EBF2: variants seen among roughly 807,000 people sequenced by gnomAD.
The protein encoded by EBF2 is transcription factor COE2.
A neutral mutation model predicts 72.8 loss-of-function variants in EBF2; 21 were observed. The observed-to-expected ratio is 0.29, with a 90% CI of 0.20 to 0.42. The LOEUF (loss-of-function observed/expected upper bound fraction) is 0.42, where lower values mean the gene tolerates loss of function less well. EBF2 is among the 10% of genes least tolerant of loss of function. EBF2 has a pLI of 1.00. For synonymous variants in EBF2, 299 were observed against 274.2 expected (o/e 1.09, Z -0.89); for missense variants, 637 against 731.2 (o/e 0.87, Z 1.49).
Position 25,946,690 on chromosome 8 carries a change from C to T in EBF2, c.552-38135G>A, listed in dbSNP as rs369581625. Among the ~76,000 whole-genome samples the T allele has an allele frequency of 2.0e-4, 30 of 152,308 alleles. No individual in the cohort carries two copies. The East Asian group carries it at 3.3e-3, about 17-fold the overall frequency. ...CAGCCCAGACAACTCCCTCTGCCTC[C>T]CTTTCATATCCAGTCAAATCCTGCT... On this transcript the variant is annotated intron_variant, in intron 6 of 15. Transcript: ENST00000520164.
chr8:26,038,248 A>C (rs1805536917), intron 5 of EBF2, among the ~76,000 whole-genome samples: 1 of 152,222 alleles, frequency 6.6e-6, no homozygotes, highest in Non-Finnish European at 1.5e-5. Context: ...ATTAATATTT[A>C]TTTTAAATTG....
chr8:25,887,819 G>A, intron 9 of EBF2, 23 bp downstream of exon 9: 1 of 1,565,546 alleles, frequency 6.4e-7, no homozygotes, highest in South Asian at 1.2e-5. Context: ...GGAAATCAGA[G>A]TAAGCCTGTT....
chr8:25,913,439 G>GA lies in EBF2; in HGVS notation c.552-4885dup, dbSNP rs200158690. Among the ~76,000 whole-genome samples the GA allele has an allele frequency of 4.0e-5, 6 of 150,654 alleles. 1 individual carries two copies. The South Asian group carries it at 6.3e-4, about 16-fold the overall frequency. On this transcript the variant is annotated intron_variant, in intron 6 of 15. Coordinates refer to ENST00000520164, the MANE Select transcript of EBF2 (RefSeq NM_022659.4). ...CTGGTGACAAAGTGAGACCCCGTCAGAAAAAAAAATAAATGGGAATTCACA... is the reference window on the plus strand; with the variant it reads ...CTGGTGACAAAGTGAGACCCCGTCAGAAAAAAAAAATAAATGGGAATTCACA...
intron 10 of EBF2, among the ~76,000 whole-genome samples, chr8:25,878,722 G>A (rs1443099460): frequency 6.6e-6 from 1 of 152,122 alleles, no homozygotes; most frequent in Non-Finnish European, 1.5e-5. Flanking sequence ...TGCTATCCTT[G>A]ATAGCATTTC....
intron 6 of EBF2, among the ~76,000 whole-genome samples, chr8:25,919,039 C>A (rs2117132261): frequency 6.6e-6 from 1 of 152,230 alleles, no homozygotes; most frequent in Non-Finnish European, 1.5e-5. Flanking sequence ...CTAGTGGAAA[C>A]AATTAAGTTC....
chr8:25,982,003 C>T (rs953666355), intron 6 of EBF2, among the ~76,000 whole-genome samples: 3 of 151,968 alleles, frequency 2.0e-5, no homozygotes, highest in Admixed American at 6.6e-5. Flanking sequence ...TAACATAGCT[C>T]GTGGACTAAG....
At position 26,044,040 on chromosome 8, in the gene EBF2, C is replaced by G. The variant is rs1259860230; in HGVS notation, c.131+689G>C. On this transcript the variant is annotated intron_variant, in intron 1 of 15. Transcript: ENST00000520164. The surrounding 1 kb of genome is among the most constrained non-coding windows in gnomAD (Gnocchi z 4.1). ...GCCTTTTCTCGCCTCTTTCTTCTTC[C>G]GCAACTCTTTCTACTGTGACTCAGT... Among the ~76,000 whole-genome samples, 2 of 152,224 alleles carry G rather than the reference C, an allele frequency of 1.3e-5. No individual in the cohort carries two copies. Among genetic ancestry groups the G allele is most frequent in the Non-Finnish European group, 2.9e-5 (2 of 68,046 alleles).
rs1585257515 is a variant in EBF2, at chr8:25,852,137, G to A, written c.1529-1376C>T. ...TGGATAAAAAGAAAAAAATTGGAAAGGAGAACAAAGTTCTGGAAGAATCTC... is the reference window on the plus strand; with the variant it reads ...TGGATAAAAAGAAAAAAATTGGAAAAGAGAACAAAGTTCTGGAAGAATCTC... On this transcript the variant is annotated intron_variant, in intron 14 of 15. Transcript: ENST00000520164. Among the ~76,000 whole-genome samples, 3 of 152,268 alleles carry A rather than the reference G, an allele frequency of 2.0e-5. No individual in the cohort carries two copies. The South Asian group carries it at 6.2e-4, about 32-fold the overall frequency.
chr8:26,015,884 T>C (rs1585228643), intron 6 of EBF2, among the ~76,000 whole-genome samples: 1 of 152,182 alleles, frequency 6.6e-6, no homozygotes, highest in Non-Finnish European at 1.5e-5. Flanking sequence ...AGCCCTGACC[T>C]GATGTGGTGC....
At chr8:25,927,040 C>T (rs1803398664) in intron 6 of EBF2, among the ~76,000 whole-genome samples, 1 of 152,184 alleles carries the variant, frequency 6.6e-6, no homozygotes, top group Non-Finnish European at 1.5e-5. Context: ...CAACACTAAT[C>T]TAGGTGTTAC....
In EBF2 at chr8:25,856,659, T is replaced by G. The variant is rs567448669; in HGVS notation, c.1528+1660A>C. 5.9e-5 allele frequency among the ~76,000 whole-genome samples: 9 copies of G among 152,322 alleles called. No individual in the cohort carries two copies. The South Asian group carries it at 1.9e-3, about 32-fold the overall frequency. ...GTTTACACAATGGATCTCTTGCCAC[T>G]GCATCATGTTTAGGGGTTGTTAAAG... On this transcript the variant is annotated intron_variant, in intron 14 of 15. Transcript: ENST00000520164.
In EBF2 at chr8:25,843,214, A is replaced by T. The variant is rs1361345801; in HGVS notation, c.*1395T>A. 1 of 152,198 alleles carries T rather than the reference A, an allele frequency of 6.6e-6. No homozygotes were observed. Among genetic ancestry groups the T allele is most frequent in the Non-Finnish European group, 1.5e-5 (1 of 68,050 alleles). The allele number at this position is 152,198 out of a possible 1,614,324, so 9.4% of individuals were successfully genotyped here. On this transcript the variant is annotated 3_prime_UTR_variant, in exon 16 of 16. Transcript: ENST00000520164. ...AGAATCTGGTCTTGCCTTTCTTCGA[A>T]CATCAGAAGAGGGGATTAGGGCTTT...
intron 6 of EBF2, among the ~76,000 whole-genome samples, chr8:25,932,564 G>A (rs1803502480): frequency 6.6e-6 from 1 of 152,180 alleles, no homozygotes; most frequent in Non-Finnish European, 1.5e-5. Flanking sequence ...AAACAGAGAT[G>A]TTAAAACTGT....
chr8:26,002,932 AGGCAGGCAGGCG>A (rs1198047040), intron 6 of EBF2, among the ~76,000 whole-genome samples: 530 of 19,796 alleles, frequency 0.027, 3 homozygotes, highest in Middle Eastern at 0.11. Flanking sequence ...GCGGGCAGGC[AGGCAGGCAGGCG>A]GGCGGGCAGG....
intron 6 of EBF2, among the ~76,000 whole-genome samples, chr8:26,003,359 A>G (rs1189248755): frequency 6.6e-6 from 1 of 152,202 alleles, no homozygotes; most frequent in East Asian, 1.9e-4. Flanking sequence ...TCTGTGAGCC[A>G]GAGTTTTCGA....
At chr8:26,037,188 G>A (rs1805517282) in intron 5 of EBF2, among the ~76,000 whole-genome samples, 1 of 152,082 alleles carries the variant, frequency 6.6e-6, no homozygotes, top group African/African-American at 2.4e-5. Context: ...AGTGGGAGGT[G>A]GGGAAATATG....
intron 6 of EBF2, among the ~76,000 whole-genome samples, chr8:25,972,578 A>G (rs1244007951): frequency 6.6e-6 from 1 of 152,200 alleles, no homozygotes; most frequent in African/African-American, 2.4e-5. Flanking sequence ...GAGCAAAAAA[A>G]GGATTTAAGA....
At chr8:26,039,258 G>T (rs894147637) in intron 5 of EBF2, among the ~76,000 whole-genome samples, 2 of 151,956 alleles carry the variant, frequency 1.3e-5, no homozygotes, top group Non-Finnish European at 2.9e-5. Flanking sequence ...AAAAGGGTGG[G>T]GGGGGAATGC....
chr8:25,992,543 G>A (rs906858550), intron 6 of EBF2, among the ~76,000 whole-genome samples: 6 of 151,910 alleles, frequency 3.9e-5, no homozygotes, highest in Non-Finnish European at 7.4e-5. Flanking sequence ...TTCAAGTGTC[G>A]TTTGTATTAA....
Sources: allele counts gnomAD v4.1 joint callset (sites outside exome capture counted in the v4.1 genomes callset), GRCh38; gene constraint gnomAD v4.1.1; non-coding constraint Gnocchi (gnomAD v3.1); transcripts MANE v1.5; gene names NCBI Gene and HGNC (gene_info 2026-07-23, HGNC 2026-07-21).